The following RAB5A variants were observed in gnomAD, a reference collection of about 807,000 sequenced individuals.
RAB5A encodes the protein ras-related protein Rab-5A.
A neutral mutation model predicts 25.7 loss-of-function variants in RAB5A; 8 were observed. The ratio of observed to expected loss-of-function variants is 0.31; its 90% CI spans 0.18 to 0.56. The LOEUF is 0.56. RAB5A is among the 20% of genes least tolerant of loss of function. RAB5A has a pLI of 0.91. For synonymous variants in RAB5A, 98 were observed against 89.8 expected (o/e 1.09, Z -0.52); for missense variants, 192 against 259.7 (o/e 0.74, Z 1.79).
intron 4 of RAB5A, among the ~76,000 whole-genome samples, chr3:19,976,451 C>T (rs566950982): frequency 5.8e-4 from 89 of 152,182 alleles, no homozygotes; most frequent in Non-Finnish European, 8.8e-4. Context: ...TTTGGGAGGC[C>T]GAGGTGGGTG....
At chr3:19,953,919 G>T (rs1052697986) in intron 2 of RAB5A, among the ~76,000 whole-genome samples, 7 of 152,190 alleles carry the variant, frequency 4.6e-5, no homozygotes, top group African/African-American at 1.7e-4. Flanking sequence ...AACCTGAAAG[G>T]GCCATAACTT....
chr3:19,983,973 T>C lies in RAB5A; in HGVS notation c.*150T>C. 1 of 613,302 alleles carries C rather than the reference T, an allele frequency of 1.6e-6. No individual in the cohort carries two copies. The highest frequency in any genetic ancestry group is 2.9e-6 in the Non-Finnish European group (1 of 345,534). 38.0% of individuals were successfully genotyped at this position (613,302 alleles called of 1,614,324 possible). On this transcript the variant is annotated 3_prime_UTR_variant, in exon 6 of 6. Transcript: ENST00000273047. ...TAATACAGAATTATTTTAAGTGTTT[T>C]GAACTTAATTTTTAATAACATGCAT...
chr3:19,970,691 T>C (rs1696737404), intron 2 of RAB5A: 1 of 429,656 alleles, frequency 2.3e-6, no homozygotes, highest in Admixed American at 2.6e-5. Context: ...ACGTTTTGGA[T>C]AAATTAAAGT....
intron 5 of RAB5A, chr3:19,979,039 C>G (rs994932148): frequency 6.6e-6 from 1 of 151,702 alleles, no homozygotes; most frequent in Non-Finnish European, 1.5e-5. Flanking sequence ...TGCAATGGTA[C>G]GATCTCAGCT....
chr3:19,984,079 A>C lies in RAB5A; in HGVS notation c.*256A>C, dbSNP rs1696986081. 3 of 425,544 alleles carry C rather than the reference A, an allele frequency of 7.0e-6. No individual in the cohort carries two copies. In the Admixed American group the frequency reaches 1.2e-4, roughly 17 times the overall value. The allele number at this position is 425,544 out of a possible 1,614,324, so 26.4% of individuals were successfully genotyped here. A position where few individuals can be genotyped will look rare whatever the true frequency, so the allele number is the denominator to read the frequency against. ...TTGTTTCATTGGAAGGTTAGGGGGA[A>C]TAATTTCTCATCACTAGGAATATAG... On this transcript the variant is annotated 3_prime_UTR_variant, in exon 6 of 6. Transcript: ENST00000273047.
chr3:19,955,079 AG>A (rs902171065), intron 2 of RAB5A, among the ~76,000 whole-genome samples: 46 of 152,300 alleles, frequency 3.0e-4, no homozygotes, highest in African/African-American at 1.1e-3. Flanking sequence ...GTAGCTCTTC[AG>A]TAAATACTCT....
intron 2 of RAB5A, among the ~76,000 whole-genome samples, chr3:19,957,426 G>A (rs1348839839): frequency 6.6e-6 from 1 of 151,952 alleles, no homozygotes; most frequent in Non-Finnish European, 1.5e-5. Context: ...CAACACTTTG[G>A]GAGGCCAAAG....
chr3:19,947,282 C>CGGCGGCGGCGGT lies in RAB5A; in HGVS notation c.-328_-327insCGGCGGTGGCGG. ...ACTCCAGCGCCGGCGGCGGCGGCGG[C>CGGCGGCGGCGGT]GGCGGAGGAGGAGAAAGGAAAGAGG... is the stretch of plus-strand genomic sequence containing the variant. On this transcript the variant is annotated 5_prime_UTR_variant, in exon 1 of 6. Transcript: ENST00000273047. 4 of 199,570 alleles carry CGGCGGCGGCGGT rather than the reference C, an allele frequency of 2.0e-5. No individual in the cohort carries two copies. Among genetic ancestry groups the CGGCGGCGGCGGT allele is most frequent in the Non-Finnish European group, 3.9e-5 (4 of 102,348 alleles). The allele number at this position is 199,570 out of a possible 1,614,324, so 12.4% of individuals were successfully genotyped here. A position where few individuals can be genotyped will look rare whatever the true frequency, so the allele number is the denominator to read the frequency against.
chr3:19,957,217 C>G (rs141678808), intron 2 of RAB5A, among the ~76,000 whole-genome samples: 15 of 152,228 alleles, frequency 9.9e-5, no homozygotes, highest in Non-Finnish European at 1.8e-4. Context: ...GTGTAAGCCA[C>G]TGTGCCCAGC....
intron 1 of RAB5A, among the ~76,000 whole-genome samples, chr3:19,949,758 C>G (rs1696395726): frequency 1.3e-5 from 2 of 152,138 alleles, no homozygotes; most frequent in African/African-American, 4.8e-5. Flanking sequence ...AAATAATGGC[C>G]TGCAGGCTGG....
intron 2 of RAB5A, among the ~76,000 whole-genome samples, chr3:19,974,287 C>T (rs1159807803): frequency 1.3e-5 from 2 of 151,702 alleles, no homozygotes; most frequent in Non-Finnish European, 2.9e-5. Flanking sequence ...CCCGAGTAAC[C>T]GGAACCACAG....
At chr3:19,981,218 T>TA (rs1197770839) in intron 5 of RAB5A, among the ~76,000 whole-genome samples, 1 of 152,232 alleles carries the variant, frequency 6.6e-6, no homozygotes, top group South Asian at 2.1e-4. Flanking sequence ...TGGTTTGACT[T>TA]ACGATTTTAT....
At position 19,957,900 on chromosome 3, in the gene RAB5A, A is replaced by T. The variant is rs1696528162; in HGVS notation, c.163+6839A>T. 2.0e-5 allele frequency among the ~76,000 whole-genome samples: 3 copies of T among 152,224 alleles called. No individual in the cohort carries two copies. In the South Asian group the frequency reaches 6.2e-4, roughly 32 times the overall value. On this transcript the variant is annotated intron_variant, in intron 2 of 5. Coordinates refer to ENST00000273047, the MANE Select transcript of RAB5A (RefSeq NM_004162.5). The stretch of plus-strand genomic sequence containing the variant: ...ACAATACCTTAATAAAGCTGGGGGG[A>T]ATAAAGTTACTTCCTAAACAGAAAA...
At chr3:19,971,891 A>G (rs1411956858) in intron 2 of RAB5A, among the ~76,000 whole-genome samples, 2 of 152,180 alleles carry the variant, frequency 1.3e-5, no homozygotes, top group African/African-American at 4.8e-5. Context: ...GCCTCTCTCT[A>G]CATTCAAATG....
chr3:19,950,440 C>T (rs573555130), intron 1 of RAB5A, among the ~76,000 whole-genome samples: 5 of 152,282 alleles, frequency 3.3e-5, no homozygotes, highest in African/African-American at 1.2e-4. Context: ...GTTTGAAACT[C>T]GGCTCTGTCA....
Position 19,984,391 on chromosome 3 carries a change from G to GC in RAB5A, c.*568_*569insC. On this transcript the variant is annotated 3_prime_UTR_variant, in exon 6 of 6. Transcript: ENST00000273047. ...TCAGGGGTGGGGAAGAGTATTAATG[G>GC]TATCTTAATTATACCCAGTCTGGTT... 2 of 275,396 alleles carry GC rather than the reference G, an allele frequency of 7.3e-6. No individual in the cohort carries two copies. Among genetic ancestry groups the GC allele is most frequent in the South Asian group, 6.4e-5 (2 of 31,038 alleles). The allele number at this position is 275,396 out of a possible 1,614,324, so 17.1% of individuals were successfully genotyped here.
chr3:19,973,381 CTTTT>C (rs34334260), intron 2 of RAB5A, among the ~76,000 whole-genome samples: 1 of 143,818 alleles, frequency 7.0e-6, no homozygotes. Flanking sequence ...ATTTTAATTC[CTTTT>C]TTTTTTTTTG....
At chr3:19,976,617 G>A (rs1241939833) in intron 4 of RAB5A, among the ~76,000 whole-genome samples, 1 of 152,156 alleles carries the variant, frequency 6.6e-6, no homozygotes, top group Admixed American at 6.5e-5. Context: ...CCCAGGAGGC[G>A]GAGGTTGTGG....
At chr3:19,950,079 A>G (rs1696401047) in intron 1 of RAB5A, among the ~76,000 whole-genome samples, 1 of 152,228 alleles carries the variant, frequency 6.6e-6, no homozygotes, top group Non-Finnish European at 1.5e-5. Context: ...TTGTTCGTCT[A>G]AAGACTACAA....
Sources: gnomAD v4.1 joint callset for allele counts (sites outside exome capture counted in the v4.1 genomes callset) on GRCh38, gnomAD v4.1.1 for gene constraint, MANE v1.5 for transcripts, NCBI Gene and HGNC (gene_info 2026-07-23, HGNC 2026-07-21) for gene names.